The following TRIM71 variants were observed in gnomAD, a reference collection of about 807,000 sequenced individuals.
The protein encoded by TRIM71 is tripartite motif containing 71.
Under a neutral mutation model 61.2 loss-of-function variants are expected in TRIM71, and 9 were observed. That is an observed-to-expected ratio of 0.15 (90% CI 0.09 to 0.26). The LOEUF (loss-of-function observed/expected upper bound fraction) is 0.26. Among genes scored for constraint, TRIM71 ranks in the 10% least tolerant of loss-of-function variants. TRIM71 has a pLI of 1.00. For missense variants in TRIM71, 998 were observed against 1,238.7 expected, an observed-to-expected ratio of 0.81 and a Z score of 2.92; for synonymous variants, 645 against 553.2, an observed-to-expected ratio of 1.17 and a Z score of -2.33.
At chr3:32,859,621 G>A (rs1443557074) in intron 1 of TRIM71, among the ~76,000 whole-genome samples, 1 of 152,106 alleles carries the variant, frequency 6.6e-6, no homozygotes, top group South Asian at 2.1e-4. Flanking sequence ...CCCAAATGTT[G>A]GTCTTTCTTC....
chr3:32,889,898 GTGTATGTATGTA>G (rs74270608), intron 3 of TRIM71, among the ~76,000 whole-genome samples: 6 of 151,384 alleles, frequency 4.0e-5, no homozygotes, highest in Non-Finnish European at 7.4e-5. Flanking sequence ...GTGTGTGTGT[GTGTATGTATGTA>G]TGTATGTATG....
intron 1 of TRIM71, among the ~76,000 whole-genome samples, chr3:32,865,325 T>G (rs1696720253): frequency 6.6e-6 from 1 of 151,710 alleles, no homozygotes; most frequent in South Asian, 2.1e-4. Context: ...CAAGATTCCA[T>G]CTCAAAAAAA....
chr3:32,886,694 C>A (rs1409614911), intron 3 of TRIM71, among the ~76,000 whole-genome samples: 6 of 152,218 alleles, frequency 3.9e-5, no homozygotes, highest in Non-Finnish European at 7.3e-5. Flanking sequence ...TAATTACATT[C>A]TCTGAACACA....
At chr3:32,870,032 C>A (rs1696779102) in intron 1 of TRIM71, among the ~76,000 whole-genome samples, 1 of 152,218 alleles carries the variant, frequency 6.6e-6, no homozygotes, top group East Asian at 1.9e-4. Flanking sequence ...GGACCCTCCA[C>A]ACAGCTCCAG....
intron 1 of TRIM71, among the ~76,000 whole-genome samples, chr3:32,829,544 A>G (rs6809722): frequency 0.4 from 60,824 of 151,936 alleles, 14,171 homozygotes; most frequent in East Asian, 0.59. Flanking sequence ...ACTGTGGCAT[A>G]TCAAGGAAGC....
intron 1 of TRIM71, among the ~76,000 whole-genome samples, chr3:32,848,033 G>T (rs1466596134): frequency 6.6e-6 from 1 of 152,156 alleles, no homozygotes; most frequent in Non-Finnish European, 1.5e-5. Flanking sequence ...TTTATATAAG[G>T]AACTTGAGTA....
chr3:32,874,386 T>C (rs934035173), intron 2 of TRIM71, among the ~76,000 whole-genome samples: 16 of 152,180 alleles, frequency 1.1e-4, no homozygotes, highest in Middle Eastern at 3.4e-3. Flanking sequence ...TTTTTTGAGA[T>C]GAGTCTTGCC....
rs1553647776 is a variant in TRIM71 at position 32,891,868 on chromosome 3, C to CTCTTT, written c.*60_*61insTTTCT. Reference sequence around the variant, plus strand: ...TGTGTGCGTGTCTCTCTCTCTCTCTCTCTCTTTCTCTTTCTCTCTCTTTTT... The same window carrying CTCTTT: ...TGTGTGCGTGTCTCTCTCTCTCTCTCTCTTTTCTCTTTCTCTTTCTCTCTCTTTTT... On this transcript the variant is annotated 3_prime_UTR_variant, in exon 4 of 4. Transcript: ENST00000383763. This position sits in a 1 kb window ranked among gnomAD's most constrained non-coding sequence, Gnocchi z 8.2. 3.3e-5 allele frequency: 49 copies of CTCTTT among 1,477,530 alleles called. No individual in the cohort carries two copies. The highest frequency in any genetic ancestry group is 4.6e-6 in the Non-Finnish European group (5 of 1,088,876). The allele number at this position is 1,477,530 out of a possible 1,614,324, so 91.5% of individuals were successfully genotyped here.
chr3:32,827,648 A>G (rs1696220089), intron 1 of TRIM71, among the ~76,000 whole-genome samples: 2 of 152,232 alleles, frequency 1.3e-5, no homozygotes, highest in African/African-American at 4.8e-5. Context: ...GTTTTAAAGC[A>G]GAGCAGTGGG....
intron 1 of TRIM71, among the ~76,000 whole-genome samples, chr3:32,836,217 C>G (rs759413903): frequency 6.6e-6 from 1 of 152,080 alleles, no homozygotes; most frequent in Non-Finnish European, 1.5e-5. Flanking sequence ...TTCCACCAGC[C>G]GCATTTCCTC....
At chr3:32,841,407 G>A (rs1047165922) in intron 1 of TRIM71, among the ~76,000 whole-genome samples, 2 of 152,072 alleles carry the variant, frequency 1.3e-5, no homozygotes, top group African/African-American at 2.4e-5. Context: ...ACCTAGTGAG[G>A]TGGCTCACGC....
intron 1 of TRIM71, among the ~76,000 whole-genome samples, chr3:32,850,155 G>A (rs562020137): frequency 6.6e-6 from 1 of 152,350 alleles, no homozygotes; most frequent in East Asian, 1.9e-4. Context: ...GGACAGAAAG[G>A]TGTTGAGGCA....
At chr3:32,843,827 G>A (rs552454476) in intron 1 of TRIM71, among the ~76,000 whole-genome samples, 76 of 152,216 alleles carry the variant, frequency 5.0e-4, no homozygotes, top group African/African-American at 1.8e-3. Flanking sequence ...GTGCAGAGCC[G>A]GCCCAGAAAG....
intron 1 of TRIM71, among the ~76,000 whole-genome samples, chr3:32,831,768 C>T (rs909840613): frequency 1.3e-5 from 2 of 151,998 alleles, no homozygotes; most frequent in African/African-American, 4.8e-5. Context: ...AACTCCTGAC[C>T]TCAAGTGATC....
chr3:32,875,729 G>C (rs1337857862), intron 2 of TRIM71, among the ~76,000 whole-genome samples: 1 of 152,096 alleles, frequency 6.6e-6, no homozygotes, highest in African/African-American at 2.4e-5. Context: ...CCAGCTACTT[G>C]TGGGGCTGAG....
chr3:32,818,805 C>T lies in TRIM71; in HGVS notation c.725C>T (p.Pro242Leu), dbSNP rs1372742263. 6.2e-7 allele frequency: 1 copy of T among 1,608,664 alleles called. No homozygotes were observed. The highest frequency in any genetic ancestry group is 1.7e-5 in the Admixed American group (1 of 59,672). The change falls in exon 1 of 4, where the codon CCG becomes CTG. Residue 242 changes from proline (P) to leucine (L), a missense_variant. This residue lies in a region of TRIM71 where 527 missense variants were observed against 427.8 expected (regional missense o/e 1.23). Coordinates refer to ENST00000383763, the MANE Select transcript of TRIM71 (RefSeq NM_001039111.3). ...AAGGACCACTACATCGAGCGCGGCCCGCCGGGTCCCGGTGCCGCAGCAGCG... is the reference window on the plus strand; with the variant it reads ...AAGGACCACTACATCGAGCGCGGCCTGCCGGGTCCCGGTGCCGCAGCAGCG... ...LTKDHYIERG[P>L]PGPGAAAAAQ...
chr3:32,818,403 C>G lies in TRIM71; in HGVS notation c.323C>G (p.Ala108Gly), dbSNP rs867944602. Residue 108 changes from alanine to glycine, a missense_variant, in exon 1 of 4, where the codon GCG becomes GGG. Ala to Gly is a moderately conservative substitution (Grantham distance 60). This residue lies in a region of TRIM71 where 527 missense variants were observed against 427.8 expected (regional missense o/e 1.23). Coordinates refer to ENST00000383763, the MANE Select transcript of TRIM71 (RefSeq NM_001039111.3). ...CTAGCCGAGGCGGCGGGTATGGACG[C>G]GCTGCCTTCGTCCGCCTTCCTGCTT... ...VVLAEAAGMD[A>G]LPSSAFLLSN... The G allele has an allele frequency of 2.0e-6, 3 of 1,478,120 alleles. No individual in the cohort carries two copies. The highest frequency in any genetic ancestry group is 1.3e-5 in the South Asian group (1 of 79,744). The allele number at this position is 1,478,120 out of a possible 1,614,324, so 91.6% of individuals were successfully genotyped here. A position where few individuals can be genotyped will look rare whatever the true frequency, so the allele number is the denominator to read the frequency against.
intron 1 of TRIM71, among the ~76,000 whole-genome samples, chr3:32,839,656 T>A (rs1186377856): frequency 2.2e-5 from 1 of 45,168 alleles, no homozygotes; most frequent in Non-Finnish European, 6.3e-5. Context: ...TTATTGAGCT[T>A]TTTTTGGGGG....
intron 1 of TRIM71, among the ~76,000 whole-genome samples, chr3:32,829,831 T>A (rs904201456): frequency 2.0e-5 from 3 of 152,116 alleles, no homozygotes; most frequent in Non-Finnish European, 2.9e-5. Flanking sequence ...TCCACATTGC[T>A]ATTTATGTGA....
Sources: gnomAD v4.1 joint callset for allele counts (sites outside exome capture counted in the v4.1 genomes callset) on GRCh38, gnomAD v4.1.1 for gene constraint, gnomAD v4.1.1 regional missense constraint, Gnocchi (gnomAD v3.1) non-coding constraint, MANE v1.5 for transcripts, NCBI Gene and HGNC (gene_info 2026-07-23, HGNC 2026-07-21) for gene names.